Variants in RFX3 observed in about 807,000 individuals in gnomAD.
RFX3 encodes the protein transcription factor RFX3.
In RFX3, 14 loss-of-function variants were observed where a neutral mutation model predicts 98.6. The ratio of observed to expected loss-of-function variants is 0.14; its 90% confidence interval spans 0.09 to 0.22. RFX3 has a LOEUF of 0.22. RFX3 is among the 10% of genes least tolerant of loss of function. The probability of loss-of-function intolerance (pLI) is 1.00; values close to 1 mark genes in which losing one functional copy is unlikely to be tolerated. For synonymous variants in RFX3, 383 were observed against 328.4 expected (o/e 1.17, Z -1.80); for missense variants, 639 against 926.9 (o/e 0.69, Z 4.03).
At chr9:3,468,176 G>T (rs1485304367) in intron 1 of RFX3, among the ~76,000 whole-genome samples, 5 of 152,046 alleles carry the variant, frequency 3.3e-5, no homozygotes, top group Non-Finnish European at 2.9e-5. Flanking sequence ...TGTATTACTC[G>T]GCTTCTTCAA....
chr9:3,438,399 C>A (rs1845340069), intron 1 of RFX3, among the ~76,000 whole-genome samples: 1 of 151,502 alleles, frequency 6.6e-6, no homozygotes, highest in African/African-American at 2.4e-5. Flanking sequence ...AAGAGGACAA[C>A]AGAGATGCTT....
intron 3 of RFX3, among the ~76,000 whole-genome samples, chr9:3,343,841 G>T (rs984008721): frequency 8.5e-5 from 13 of 152,294 alleles, no homozygotes; most frequent in African/African-American, 3.1e-4. Context: ...CCAGATCAAA[G>T]CTAATTGGAC....
chr9:3,365,537 A>C (rs1054204917), intron 2 of RFX3, among the ~76,000 whole-genome samples: 4 of 151,984 alleles, frequency 2.6e-5, no homozygotes, highest in Non-Finnish European at 5.9e-5. Context: ...TAAATCCCTG[A>C]AGAAAAGAAA....
chr9:3,408,329 G>C lies in RFX3; in HGVS notation c.-8-12733C>G, dbSNP rs114754406. 1.5e-3 allele frequency among the ~76,000 whole-genome samples: 224 copies of C among 152,226 alleles called. 1 individual carries two copies. Among genetic ancestry groups the C allele is most frequent in the African/African-American group, 5.2e-3 (218 of 41,546 alleles). ...AATAAAGCCCCATAGCAATCCCATA[G>C]GTAACCCTGCAGTACAACCAACATC... On this transcript the variant is annotated intron_variant, in intron 1 of 16. Transcript: ENST00000617270.
At chr9:3,304,756 G>A (rs768985484) in intron 4 of RFX3, among the ~76,000 whole-genome samples, 1 of 152,044 alleles carries the variant, frequency 6.6e-6, no homozygotes, top group Non-Finnish European at 1.5e-5. Flanking sequence ...CAGACACATG[G>A]AACTGTGAGT....
chr9:3,460,615 C>T (rs1470428924), intron 1 of RFX3, among the ~76,000 whole-genome samples: 1 of 151,906 alleles, frequency 6.6e-6, no homozygotes, highest in Non-Finnish European at 1.5e-5. Context: ...AAACCTTATT[C>T]ATGTCACTTA....
rs148570808 is a variant in RFX3, at chr9:3,395,678, A to C, written c.-8-82T>G. 2,613 of 1,450,226 alleles carry C rather than the reference A, an allele frequency of 1.8e-3. 2 individuals are homozygous for C. The highest frequency in any genetic ancestry group is 2.4e-3 in the Non-Finnish European group (2,476 of 1,052,952). 89.8% of individuals were successfully genotyped at this position (1,450,226 alleles called of 1,614,324 possible). A position where few individuals can be genotyped will look rare whatever the true frequency, so the allele number is the denominator to read the frequency against. ...TCCTTACAATTGTTCTTAAAATCCTATACTGAAACTAACTTTCAACTCTCA... is the reference window on the plus strand; with the variant it reads ...TCCTTACAATTGTTCTTAAAATCCTCTACTGAAACTAACTTTCAACTCTCA... On this transcript the variant is annotated intron_variant, in intron 1 of 16. Coordinates refer to ENST00000617270, the MANE Select transcript of RFX3 (RefSeq NM_001282116.2).
chr9:3,398,703 CAG>C lies in RFX3; in HGVS notation c.-8-3109_-8-3108del, dbSNP rs573663019. Among the ~76,000 whole-genome samples the C allele has an allele frequency of 9.2e-4, 140 of 152,090 alleles. 2 individuals carry two copies. The highest frequency in any genetic ancestry group is 2.9e-3 in the Admixed American group (44 of 15,268). ...CCCCCAGAGCTGGATGGGAATGTTC[CAG>C]AGTCTAACTTGTTTGCACATACATT... is the stretch of plus-strand genomic sequence containing the variant. On this transcript the variant is annotated intron_variant, in intron 1 of 16. Transcript: ENST00000617270.
Position 3,500,385 on chromosome 9 carries a change from G to A in RFX3, c.-9+25362C>T, listed in dbSNP as rs975916158. 1.2e-4 allele frequency among the ~76,000 whole-genome samples: 19 copies of A among 152,014 alleles called. No individual in the cohort carries two copies. In the East Asian group the frequency reaches 2.7e-3, roughly 22 times the overall value. Reference sequence around the variant, plus strand: ...TAAAAGAAATGTGGATTCATTTTCCGGATGAAAAGAAAAGGAAAAAAGAGA... The same window carrying A: ...TAAAAGAAATGTGGATTCATTTTCCAGATGAAAAGAAAAGGAAAAAAGAGA... On this transcript the variant is annotated intron_variant, in intron 1 of 16. Coordinates refer to ENST00000617270, the MANE Select transcript of RFX3 (RefSeq NM_001282116.2).
chr9:3,297,579 T>C (rs919703445), intron 5 of RFX3, among the ~76,000 whole-genome samples: 6 of 152,048 alleles, frequency 3.9e-5, no homozygotes, highest in African/African-American at 1.2e-4. Context: ...AGATGGATTA[T>C]TACCCATCAG....
At chr9:3,339,549 C>T (rs905121691) in intron 3 of RFX3, among the ~76,000 whole-genome samples, 2 of 152,180 alleles carry the variant, frequency 1.3e-5, no homozygotes, top group African/African-American at 4.8e-5. Context: ...ACCAAGTAGT[C>T]AGCTCCTGTC....
chr9:3,297,244 A>T (rs573414550), intron 5 of RFX3, among the ~76,000 whole-genome samples: 3 of 152,212 alleles, frequency 2.0e-5, no homozygotes, highest in East Asian at 3.9e-4. Flanking sequence ...CTTTTATAAA[A>T]TGTCTTGTAA....
At chr9:3,460,912 C>G (rs1847626091) in intron 1 of RFX3, among the ~76,000 whole-genome samples, 1 of 151,770 alleles carries the variant, frequency 6.6e-6, no homozygotes, top group Non-Finnish European at 1.5e-5. Flanking sequence ...CTACAAACGC[C>G]TCTCAATACT....
At chr9:3,425,388 G>A (rs942395418) in intron 1 of RFX3, among the ~76,000 whole-genome samples, 1 of 152,224 alleles carries the variant, frequency 6.6e-6, no homozygotes, top group Non-Finnish European at 1.5e-5. Context: ...TTTCTCCAAT[G>A]AGCCTGCATT....
chr9:3,368,932 T>A (rs1008569827), intron 2 of RFX3, among the ~76,000 whole-genome samples: 17 of 152,168 alleles, frequency 1.1e-4, no homozygotes, highest in Non-Finnish European at 1.9e-4. Flanking sequence ...CTCCATAAAG[T>A]CAGGAACAAT....
At chr9:3,256,308 G>A (rs532928856) in intron 14 of RFX3, among the ~76,000 whole-genome samples, 45 of 149,056 alleles carry the variant, frequency 3.0e-4, no homozygotes, top group African/African-American at 1.1e-3. Flanking sequence ...TTTTGATTTA[G>A]TAGGTCTTGG....
chr9:3,339,647 G>C (rs1026175953), intron 3 of RFX3, among the ~76,000 whole-genome samples: 9 of 152,184 alleles, frequency 5.9e-5, no homozygotes, highest in Non-Finnish European at 1.2e-4. Flanking sequence ...GTATTAGACA[G>C]AGAACAGGAT....
intron 2 of RFX3, among the ~76,000 whole-genome samples, chr9:3,381,174 G>A (rs1839151459): frequency 6.6e-6 from 1 of 151,516 alleles, no homozygotes; most frequent in African/African-American, 2.4e-5. Flanking sequence ...CAAAGTCAAG[G>A]GAACCTCAAA....
At chr9:3,391,613 G>C (rs1840320069) in intron 2 of RFX3, among the ~76,000 whole-genome samples, 2 of 152,296 alleles carry the variant, frequency 1.3e-5, no homozygotes, top group African/African-American at 4.8e-5. Flanking sequence ...TTTTTCCAAA[G>C]TGTGGTCCAG....
Sources: allele counts gnomAD v4.1 joint callset (sites outside exome capture counted in the v4.1 genomes callset), GRCh38; gene constraint gnomAD v4.1.1; transcripts MANE v1.5; gene names NCBI Gene and HGNC (gene_info 2026-07-23, HGNC 2026-07-21).